UFM1: variants seen among roughly 807,000 people sequenced by gnomAD.
UFM1 encodes ubiquitin-fold modifier 1.
UFM1 carries 9 observed loss-of-function variants against 15.4 expected under a neutral mutation model. The ratio of observed to expected loss-of-function variants is 0.59; its 90% CI spans 0.35 to 1.02. UFM1 has a LOEUF of 1.02. Ranked by LOEUF, UFM1 falls within the 50% of genes least tolerant of loss-of-function variation. UFM1 has a pLI of 0.02. For missense variants in UFM1, 98 were observed against 104.7 expected (o/e 0.94, Z 0.28); for synonymous variants, 27 against 36.3 (o/e 0.74, Z 0.92).
chr13:38,353,194 A>G (rs903816853), intron 2 of UFM1, among the ~76,000 whole-genome samples: 1 of 152,124 alleles, frequency 6.6e-6, no homozygotes, highest in Admixed American at 6.5e-5. Context: ...TGTTATAATG[A>G]TTCTTATAGT....
At chr13:38,355,565 G>A (rs1257064502) in intron 3 of UFM1, among the ~76,000 whole-genome samples, 1 of 151,492 alleles carries the variant, frequency 6.6e-6, no homozygotes, top group Non-Finnish European at 1.5e-5. Context: ...TTGTGATCTT[G>A]GTTTTCTAAT....
chr13:38,360,648 G>A (rs1409417639), intron 5 of UFM1, 63 bp from the exon 6 acceptor site: 2 of 1,224,298 alleles, frequency 1.6e-6, no homozygotes, highest in Admixed American at 1.9e-5. Context: ...TTTAATAATT[G>A]TCAGAATATT....
chr13:38,358,012 C>CA, intron 3 of UFM1, 81 bp from the exon 4 acceptor site: 1 of 626,996 alleles, frequency 1.6e-6, no homozygotes, highest in Non-Finnish European at 2.4e-6. Flanking sequence ...ATTTGTACCC[C>CA]ATTCTTGCTA....
At chr13:38,354,155 C>A in intron 2 of UFM1, 84 bp from the exon 3 acceptor site, 1 of 1,293,838 alleles carries the variant, frequency 7.7e-7, no homozygotes, top group African/African-American at 1.5e-5. Flanking sequence ...TCCAGATTGG[C>A]TACAGTAGTG....
At chr13:38,358,518 G>C (rs1029228787) in intron 4 of UFM1, among the ~76,000 whole-genome samples, 3 of 151,582 alleles carry the variant, frequency 2.0e-5, no homozygotes, top group African/African-American at 7.3e-5. Flanking sequence ...TTTCTTGTAG[G>C]CTTGCAATAA....
At position 38,356,576 on chromosome 13, in the gene UFM1, G is replaced by A. The variant is rs184163963; in HGVS notation, c.118-1517G>A. 4.1e-3 allele frequency among the ~76,000 whole-genome samples: 617 copies of A among 151,192 alleles called. 3 individuals are homozygous for A. The highest frequency in any genetic ancestry group is 0.014 in the African/African-American group (591 of 41,328). Reference sequence around the variant, plus strand: ...GTATGTTTAAGGCCTTATTTTAAAAGTTGATTCTTCAATTTCTAATTTAAA... The same window carrying A: ...GTATGTTTAAGGCCTTATTTTAAAAATTGATTCTTCAATTTCTAATTTAAA... On this transcript the variant is annotated intron_variant, in intron 3 of 5. Coordinates refer to ENST00000239878, the MANE Select transcript of UFM1 (RefSeq NM_016617.4).
At chr13:38,350,215 C>T (rs766899186) in intron 2 of UFM1, 160 bp downstream of exon 2, 26 of 1,611,182 alleles carry the variant, frequency 1.6e-5, no homozygotes, top group Non-Finnish European at 2.2e-5. Context: ...CCCACCGGAG[C>T]CTGCGAGGAG....
At chr13:38,351,474 C>A (rs1878845322) in intron 2 of UFM1, among the ~76,000 whole-genome samples, 1 of 152,222 alleles carries the variant, frequency 6.6e-6, no homozygotes, top group Non-Finnish European at 1.5e-5. Flanking sequence ...CATCTTTACA[C>A]CAATGTAAAC....
At position 38,354,256 on chromosome 13, in the gene UFM1, G is replaced by A; in HGVS notation, c.77G>A (p.Ser26Asn). The change falls in exon 3 of 6, where the codon AGT becomes AAT. Residue 26 changes from serine to asparagine, a missense_variant. Coordinates refer to ENST00000239878, the MANE Select transcript of UFM1 (RefSeq NM_016617.4). ...TCTTGCAGACTCAGTGTTCCTGAAAGTACACCTTTCACAGCAGTCTTAAAG... is the reference window on the plus strand; with the variant it reads ...TCTTGCAGACTCAGTGTTCCTGAAAATACACCTTTCACAGCAGTCTTAAAG... ...LPYKVLSVPE[S>N]TPFTAVLKFA... 1 of 1,609,812 alleles carries A rather than the reference G, an allele frequency of 6.2e-7. No homozygotes were observed.
At chr13:38,358,678 A>G (rs1879235067) in intron 4 of UFM1, among the ~76,000 whole-genome samples, 1 of 152,220 alleles carries the variant, frequency 6.6e-6, no homozygotes, top group African/African-American at 2.4e-5. Context: ...ACTGTGTTTC[A>G]AGTATACAAT....
At chr13:38,351,598 A>G (rs536195461) in intron 2 of UFM1, among the ~76,000 whole-genome samples, 31 of 152,314 alleles carry the variant, frequency 2.0e-4, no homozygotes, top group African/African-American at 7.2e-4. Context: ...CAGTCTTGTC[A>G]AGGTTAAAGT....
intron 2 of UFM1, among the ~76,000 whole-genome samples, chr13:38,351,520 C>G (rs1878847975): frequency 6.6e-6 from 1 of 152,162 alleles, no homozygotes; most frequent in South Asian, 2.1e-4. Flanking sequence ...AATTTCCCAT[C>G]CTGTTAGAAT....
chr13:38,360,219 G>A (rs1420973476), intron 5 of UFM1, among the ~76,000 whole-genome samples: 3 of 151,742 alleles, frequency 2.0e-5, no homozygotes, highest in African/African-American at 4.8e-5. Context: ...TTTCTTAATC[G>A]AGAAACTTTC....
rs538193742 is a variant in UFM1, at chr13:38,363,006, A to G, written c.*2228A>G. On this transcript the variant is annotated 3_prime_UTR_variant, in exon 6 of 6. Transcript: ENST00000239878. ...AATACATGTTGTTATATTGTAAACC[A>G]TATTGTCTGTTCTTATTATTAGAGC... 3.9e-5 allele frequency: 6 copies of G among 152,360 alleles called. No individual in the cohort carries two copies. The highest frequency in any genetic ancestry group is 1.4e-4 in the African/African-American group (6 of 41,588). The allele number at this position is 152,360 out of a possible 1,614,324, so 9.4% of individuals were successfully genotyped here.
chr13:38,350,614 T>G (rs1279581142), intron 2 of UFM1, among the ~76,000 whole-genome samples: 1 of 152,172 alleles, frequency 6.6e-6, no homozygotes, highest in Non-Finnish European at 1.5e-5. Flanking sequence ...TAATAGAGTA[T>G]TTGGTAGGAA....
At chr13:38,360,640 T>C (rs1879327135) in intron 5 of UFM1, 71 bp from the exon 6 acceptor site, 5 of 1,166,886 alleles carry the variant, frequency 4.3e-6, no homozygotes, top group Non-Finnish European at 6.1e-6. Flanking sequence ...TTATTATATT[T>C]AATAATTGTC....
Position 38,360,891 on chromosome 13 carries a change from A to G in UFM1, c.*113A>G. The G allele has an allele frequency of 1.2e-6, 1 of 827,024 alleles. No individual in the cohort carries two copies. Among genetic ancestry groups the G allele is most frequent in the Non-Finnish European group, 2.0e-6 (1 of 508,788 alleles). 51.2% of individuals were successfully genotyped at this position (827,024 alleles called of 1,614,324 possible). A position where few individuals can be genotyped will look rare whatever the true frequency, so the allele number is the denominator to read the frequency against. ...ACTATGAAAACACCAGGAGTCAATG[A>G]TTAATGAAAGGTGACTCATCTGTCC... On this transcript the variant is annotated 3_prime_UTR_variant, in exon 6 of 6. Coordinates refer to ENST00000239878, the MANE Select transcript of UFM1 (RefSeq NM_016617.4).
chr13:38,359,213 C>G (rs1345469385), intron 4 of UFM1, 88 bp from the exon 5 acceptor site: 5 of 1,180,046 alleles, frequency 4.2e-6, no homozygotes, highest in Non-Finnish European at 1.2e-6. Context: ...TACACAACAG[C>G]ACTATTTTGG....
rs1301546538 is a variant in UFM1, at chr13:38,363,189, C to G, written c.*2411C>G. On this transcript the variant is annotated 3_prime_UTR_variant, in exon 6 of 6. Transcript: ENST00000239878. The stretch of plus-strand genomic sequence containing the variant: ...GTCCAACAACAGACCGCATATATGA[C>G]CGTGGTCCCATATTACTATATTTTT... 1 of 152,262 alleles carries G rather than the reference C, an allele frequency of 6.6e-6. No homozygotes were observed. Among genetic ancestry groups the G allele is most frequent in the East Asian group, 1.9e-4 (1 of 5,182 alleles). 9.4% of individuals were successfully genotyped at this position (152,262 alleles called of 1,614,324 possible).
Sources: gnomAD v4.1 joint callset for allele counts (sites outside exome capture counted in the v4.1 genomes callset) on GRCh38, gnomAD v4.1.1 for gene constraint, MANE v1.5 for transcripts, NCBI Gene and HGNC (gene_info 2026-07-23, HGNC 2026-07-21) for gene names.